The following CTDSP1 variants were observed in gnomAD, a reference collection of about 807,000 sequenced individuals.
CTDSP1 encodes carboxy-terminal domain RNA polymerase II polypeptide A small phosphatase 1.
CTDSP1 carries 15 observed loss-of-function variants against 32.5 expected under a neutral mutation model. That is an observed-to-expected ratio of 0.46 (90% CI 0.31 to 0.71). The LOEUF (loss-of-function observed/expected upper bound fraction) is 0.71, where lower values mean the gene tolerates loss of function less well. CTDSP1 is among the 30% of genes least tolerant of loss of function. The pLI is 0.05. For synonymous variants in CTDSP1, 185 were observed against 145.4 expected (o/e 1.27, Z -1.96); for missense variants, 294 against 351.1 (o/e 0.84, Z 1.30).
chr2:218,401,271 C>A, intron 1 of CTDSP1: 1 of 489,932 alleles, frequency 2.0e-6, no homozygotes. Context: ...GTCATGGAGG[C>A]TGTGAGAGGC....
At chr2:218,396,389 A>T (rs1696768570), upstream of CTDSP1, 1 of 152,282 alleles carries the variant, frequency 6.6e-6, no homozygotes. Context: ...GGACCTGCGG[A>T]GGGCCGCAGC....
chr2:218,404,230 G>A lies in CTDSP1; in HGVS notation c.658-67G>A, dbSNP rs1279598709. ...CATGATCTGAGTAGTGGCTACATAG[G>A]GCTGGCCTGGAAATTCTGCACCCAG... On this transcript the variant is annotated intron_variant, in intron 6 of 6. Coordinates refer to ENST00000273062, the MANE Select transcript of CTDSP1 (RefSeq NM_021198.3). 4 of 1,581,550 alleles carry A rather than the reference G, an allele frequency of 2.5e-6. No homozygotes were observed. The African/African-American group carries it at 5.4e-5, about 21-fold the overall frequency.
upstream of CTDSP1, chr2:218,399,639 C>T: frequency 5.1e-6 from 4 of 783,400 alleles, no homozygotes; most frequent in Non-Finnish European, 6.2e-6. Flanking sequence ...GAACGGTGAG[C>T]CGGGTGCCGG....
chr2:218,400,044 C>G lies in CTDSP1; in HGVS notation c.-47C>G. The G allele has an allele frequency of 7.4e-7, 1 of 1,347,586 alleles. No homozygotes were observed. The highest frequency in any genetic ancestry group is 9.6e-7 in the Non-Finnish European group (1 of 1,045,548). The allele number at this position is 1,347,586 out of a possible 1,614,324, so 83.5% of individuals were successfully genotyped here. On this transcript the variant is annotated 5_prime_UTR_variant, in exon 1 of 7. Transcript: ENST00000273062. Reference sequence around the variant, plus strand: ...TTCCGGCCCCAGCCGGGGGGGAGGCCGGGCGCCCGGGCCAGAGTCCGGCCG... The same window carrying G: ...TTCCGGCCCCAGCCGGGGGGGAGGCGGGGCGCCCGGGCCAGAGTCCGGCCG...
Position 218,400,009 on chromosome 2 carries a change from C to A in CTDSP1, c.-82C>A. The A allele has an allele frequency of 7.6e-7, 1 of 1,314,812 alleles. No individual in the cohort carries two copies. Among genetic ancestry groups the A allele is most frequent in the Non-Finnish European group, 9.7e-7 (1 of 1,026,538 alleles). 81.4% of individuals were successfully genotyped at this position (1,314,812 alleles called of 1,614,324 possible). A position where few individuals can be genotyped will look rare whatever the true frequency, so the allele number is the denominator to read the frequency against. Reference sequence around the variant, plus strand: ...TCCCTCCCACCCCTCCCCTCCCCCCCGCGCCCCGATTCCGGCCCCAGCCGG... The same window carrying A: ...TCCCTCCCACCCCTCCCCTCCCCCCAGCGCCCCGATTCCGGCCCCAGCCGG... On this transcript the variant is annotated 5_prime_UTR_variant, in exon 1 of 7. Transcript: ENST00000273062.
chr2:218,402,890 T>C, intron 4 of CTDSP1, 145 bp from the exon 5 acceptor site: 1 of 676,148 alleles, frequency 1.5e-6, no homozygotes, highest in Non-Finnish European at 2.7e-6. Context: ...TCCCCAGCAG[T>C]GGTCAGGGTA....
chr2:218,400,950 A>T (rs1440968009), intron 1 of CTDSP1: 6 of 454,030 alleles, frequency 1.3e-5, no homozygotes, highest in Non-Finnish European at 2.2e-5. Flanking sequence ...GGCAAGGTGG[A>T]AAGGCTAGTT....
In CTDSP1 at chr2:218,400,168, T is replaced by A. The variant is rs773593761; in HGVS notation, c.67+11T>A. 7.1e-6 allele frequency: 11 copies of A among 1,540,612 alleles called. No homozygotes were observed. In the Admixed American group the frequency reaches 2.2e-4, roughly 31 times the overall value. On this transcript the variant is annotated intron_variant, in intron 1 of 6. Transcript: ENST00000273062. Reference sequence around the variant, plus strand: ...CGCTGCGGGGCAAAGGTACCGGGGCTGCGGGGAGGGGGCCGAAGCCGGGGC... The same window carrying A: ...CGCTGCGGGGCAAAGGTACCGGGGCAGCGGGGAGGGGGCCGAAGCCGGGGC...
chr2:218,403,775 A>G (rs557563899), intron 6 of CTDSP1: 1 of 213,152 alleles, frequency 4.7e-6, no homozygotes, highest in East Asian at 1.1e-4. Flanking sequence ...AATAGAAAAT[A>G]TCCGGTCGGG....
intron 1 of CTDSP1, chr2:218,400,891 C>T (rs1432519535): frequency 8.8e-6 from 4 of 456,420 alleles, no homozygotes; most frequent in Admixed American, 4.7e-5. Flanking sequence ...CTGGACGCTG[C>T]CCCCAGGTCT....
At chr2:218,397,537 A>G (rs1354572869), upstream of CTDSP1, among the ~76,000 whole-genome samples, 1 of 152,170 alleles carries the variant, frequency 6.6e-6, no homozygotes, top group Non-Finnish European at 1.5e-5. Flanking sequence ...ACTGTGTTGG[A>G]AGAGACGCTT....
At chr2:218,397,944 T>A (rs1696905738), upstream of CTDSP1, among the ~76,000 whole-genome samples, 1 of 152,096 alleles carries the variant, frequency 6.6e-6, no homozygotes, top group African/African-American at 2.4e-5. Flanking sequence ...GGCGATAAGA[T>A]GGGGTGGAGG....
At chr2:218,401,012 C>T in intron 1 of CTDSP1, 4 of 443,112 alleles carry the variant, frequency 9.0e-6, no homozygotes, top group Admixed American at 7.1e-5. Context: ...AATCAGGCTG[C>T]TGGGCTCCAG....
At chr2:218,403,790 G>A (rs2106374816) in intron 6 of CTDSP1, 1 of 200,694 alleles carries the variant, frequency 5.0e-6, no homozygotes. Flanking sequence ...GTCGGGTGCA[G>A]TGGCTCATGC....
chr2:218,400,534 GCCCCACC>G (rs1385865680), intron 1 of CTDSP1: 9 of 379,756 alleles, frequency 2.4e-5, no homozygotes, highest in Non-Finnish European at 3.6e-5. Context: ...CTGAGACTCC[GCCCCACC>G]CCCCACCCCC....
chr2:218,398,727 T>G (rs1696948181), upstream of CTDSP1: 1 of 309,376 alleles, frequency 3.2e-6, no homozygotes, highest in Non-Finnish European at 5.9e-6. Flanking sequence ...GGGGAGGAAG[T>G]GCCGAGGGGT....
At chr2:218,403,689 G>A (rs1244065276) in intron 6 of CTDSP1, 3 of 383,630 alleles carry the variant, frequency 7.8e-6, no homozygotes, top group Non-Finnish European at 1.4e-5. Flanking sequence ...TTTTCGAATT[G>A]CCAGTTGTGA....
In CTDSP1 at chr2:218,404,583, T is replaced by C. The variant is rs902344209; in HGVS notation, c.*158T>C. The stretch of plus-strand genomic sequence containing the variant: ...CCCCCACCAGCCCCACCAGGCGGTG[T>C]AGGGGCAGCAGGCTGCACTGAGGAC... On this transcript the variant is annotated 3_prime_UTR_variant, in exon 7 of 7. Transcript: ENST00000273062. The C allele has an allele frequency of 2.1e-5, 19 of 890,640 alleles. No homozygotes were observed. Among genetic ancestry groups the C allele is most frequent in the Admixed American group, 7.7e-5 (3 of 38,804 alleles). 55.2% of individuals were successfully genotyped at this position (890,640 alleles called of 1,614,324 possible). A position where few individuals can be genotyped will look rare whatever the true frequency, so the allele number is the denominator to read the frequency against.
At chr2:218,399,856 G>T, upstream of CTDSP1, 1 of 1,237,118 alleles carries the variant, frequency 8.1e-7, no homozygotes, top group Non-Finnish European at 1.0e-6. Flanking sequence ...ACGGCGCCTG[G>T]GTTCCATGTT....
Sources: allele counts gnomAD v4.1 joint callset (sites outside exome capture counted in the v4.1 genomes callset), GRCh38; gene constraint gnomAD v4.1.1; transcripts MANE v1.5; gene names NCBI Gene and HGNC (gene_info 2026-07-23, HGNC 2026-07-21).